SNIP1: variants seen among roughly 807,000 people sequenced by gnomAD.
SNIP1 encodes Smad nuclear interacting protein 1.
Under a neutral mutation model 37.4 loss-of-function variants are expected in SNIP1, and 23 were observed. The ratio of observed to expected loss-of-function variants is 0.61; its 90% CI spans 0.44 to 0.87. The LOEUF is 0.87. Ranked by LOEUF, SNIP1 falls within the 40% of genes least tolerant of loss-of-function variation. The probability of loss-of-function intolerance (pLI) is 0.00; values close to 1 mark genes in which losing one functional copy is unlikely to be tolerated. For missense variants in SNIP1, 459 were observed against 540.4 expected, an observed-to-expected ratio of 0.85 and a Z score of 1.49; for synonymous variants, 174 against 200.0, an observed-to-expected ratio of 0.87 and a Z score of 1.10.
At chr1:37,543,912 G>C (rs189144053) in intron 2 of SNIP1, among the ~76,000 whole-genome samples, 25 of 152,028 alleles carry the variant, frequency 1.6e-4, no homozygotes, top group Admixed American at 9.2e-4. Context: ...AGGGCAAGGG[G>C]GGGGGCAGGT....
intron 2 of SNIP1, among the ~76,000 whole-genome samples, chr1:37,547,230 AAGAG>A (rs112812499): frequency 4.1e-4 from 62 of 152,260 alleles, no homozygotes; most frequent in African/African-American, 1.4e-3. Context: ...CTTGGAAGAG[AAGAG>A]ATAGAGAGAT....
rs984572160 is a variant in SNIP1, at chr1:37,537,049, C to G, written c.*699G>C. 3.3e-5 allele frequency: 5 copies of G among 152,276 alleles called. No homozygotes were observed. Among genetic ancestry groups the G allele is most frequent in the African/African-American group, 1.2e-4 (5 of 41,452 alleles). The allele number at this position is 152,276 out of a possible 1,614,324, so 9.4% of individuals were successfully genotyped here. ...CTTTCACAAAGAACAGATCCACAGCCAATTTCAGTCACTTGTGATGCTGAA... is the reference window on the plus strand; with the variant it reads ...CTTTCACAAAGAACAGATCCACAGCGAATTTCAGTCACTTGTGATGCTGAA... On this transcript the variant is annotated 3_prime_UTR_variant, in exon 4 of 4. Transcript: ENST00000296215.
intron 2 of SNIP1, among the ~76,000 whole-genome samples, chr1:37,542,026 C>CT (rs1299434602): frequency 1.3e-5 from 2 of 151,940 alleles, no homozygotes; most frequent in Non-Finnish European, 2.9e-5. Context: ...GTTTTAATTT[C>CT]TTTAAGTTGA....
Position 37,540,841 on chromosome 1 carries a change from G to A in SNIP1, c.328-86C>T. The stretch of plus-strand genomic sequence containing the variant: ...CTTGTTCTTTTTGAACGAAGTGCAT[G>A]CAAAAAGTCTTGTAATTTGGACTTT... On this transcript the variant is annotated intron_variant, in intron 2 of 3. Coordinates refer to ENST00000296215, the MANE Select transcript of SNIP1 (RefSeq NM_024700.4). The surrounding 1 kb of genome is among the most constrained non-coding windows in gnomAD (Gnocchi z 5.6). The A allele has an allele frequency of 7.6e-7, 1 of 1,313,206 alleles. No individual in the cohort carries two copies. Among genetic ancestry groups the A allele is most frequent in the Non-Finnish European group, 1.0e-6 (1 of 966,686 alleles). 81.3% of individuals were successfully genotyped at this position (1,313,206 alleles called of 1,614,324 possible). A position where few individuals can be genotyped will look rare whatever the true frequency, so the allele number is the denominator to read the frequency against.
rs190980083 is a variant in SNIP1 at position 37,540,543 on chromosome 1, C to T, written c.540G>A (p.Glu180=). Residue 180 remains glutamate, a synonymous_variant, in exon 3 of 4, where the codon GAG becomes GAA. Coordinates refer to ENST00000296215, the MANE Select transcript of SNIP1 (RefSeq NM_024700.4). This position sits in a 1 kb window ranked among gnomAD's most constrained non-coding sequence, Gnocchi z 5.6. ...QNLQAQEEER[E]FYNARRREHR... ...GCTCCCGTCGCCTGGCATTATAAAA[C>T]TCCCGCTCTTCTTCCTGAGCCTGCA... 6.2e-7 allele frequency: 1 copy of T among 1,614,132 alleles called. No homozygotes were observed. Among genetic ancestry groups the T allele is most frequent in the Admixed American group, 1.7e-5 (1 of 60,006 alleles).
rs1643080638 is a variant in SNIP1 at position 37,535,521 on chromosome 1, T to G, written c.*2227A>C. ...AATTAGGACTTCTTACTGAAAAATGTAGGCAAAGTGGTCATCTATCACAGT... is the reference window on the plus strand; with the variant it reads ...AATTAGGACTTCTTACTGAAAAATGGAGGCAAAGTGGTCATCTATCACAGT... On this transcript the variant is annotated 3_prime_UTR_variant, in exon 4 of 4. Coordinates refer to ENST00000296215, the MANE Select transcript of SNIP1 (RefSeq NM_024700.4). 1 of 152,056 alleles carries G rather than the reference T, an allele frequency of 6.6e-6. No individual in the cohort carries two copies. The highest frequency in any genetic ancestry group is 2.4e-5 in the African/African-American group (1 of 41,394). The allele number at this position is 152,056 out of a possible 1,614,324, so 9.4% of individuals were successfully genotyped here. A position where few individuals can be genotyped will look rare whatever the true frequency, so the allele number is the denominator to read the frequency against.
rs368800570 is a variant in SNIP1 at position 37,539,313 on chromosome 1, T to A, written c.926+844A>T. On this transcript the variant is annotated intron_variant, in intron 3 of 3. Coordinates refer to ENST00000296215, the MANE Select transcript of SNIP1 (RefSeq NM_024700.4). ...GGACCACTGTACTATAGTGATCATT[T>A]GTTAGGCAAGTCACTTGGTTTTGCT... is the stretch of plus-strand genomic sequence containing the variant. Among the ~76,000 whole-genome samples, 25 of 152,316 alleles carry A rather than the reference T, an allele frequency of 1.6e-4. No homozygotes were observed. The East Asian group carries it at 4.2e-3, about 26-fold the overall frequency.
rs1341391342 is a variant in SNIP1 at position 37,537,752 on chromosome 1, C to G, written c.1187G>C (p.Ser396Thr). 5 of 1,611,680 alleles carry G rather than the reference C, an allele frequency of 3.1e-6. No homozygotes were observed. The highest frequency in any genetic ancestry group is 4.2e-6 in the Non-Finnish European group (5 of 1,178,910). Residue 396 changes from serine to threonine, a missense_variant, in exon 4 of 4, where the codon AGC becomes ACC. Transcript: ENST00000296215. ...DEEEEEEVSD[S>T] ...ATAGTTTGGGTTCTTAGTTTGCTAGCTGTCAGACACTTCTTCCTCCTCCTC... is the reference window on the plus strand; with the variant it reads ...ATAGTTTGGGTTCTTAGTTTGCTAGGTGTCAGACACTTCTTCCTCCTCCTC...
chr1:37,545,239 C>G (rs1396157249), intron 2 of SNIP1: 2 of 659,440 alleles, frequency 3.0e-6, no homozygotes, highest in East Asian at 6.5e-5. Context: ...GCACCCGAAT[C>G]TGGCTTGGCA....
At chr1:37,539,258 G>A (rs1643138518) in intron 3 of SNIP1, among the ~76,000 whole-genome samples, 1 of 152,210 alleles carries the variant, frequency 6.6e-6, no homozygotes. Flanking sequence ...TGTCTTCCAT[G>A]AAACTGGTCC....
chr1:37,547,341 G>A (rs1439324133), intron 2 of SNIP1, among the ~76,000 whole-genome samples: 1 of 152,134 alleles, frequency 6.6e-6, no homozygotes, highest in Non-Finnish European at 1.5e-5. Flanking sequence ...AGGAGGTGGT[G>A]CAATTTTGGG....
In SNIP1 at chr1:37,540,875, GAAC is replaced by G. The variant is rs968727399; in HGVS notation, c.328-123_328-121del. 23 of 904,864 alleles carry G rather than the reference GAAC, an allele frequency of 2.5e-5. No homozygotes were observed. The highest frequency in any genetic ancestry group is 1.0e-4 in the African/African-American group (6 of 60,100). The allele number at this position is 904,864 out of a possible 1,614,324, so 56.1% of individuals were successfully genotyped here. A position where few individuals can be genotyped will look rare whatever the true frequency, so the allele number is the denominator to read the frequency against. The stretch of plus-strand genomic sequence containing the variant: ...CTTGTAATTTGGACTTTGGCATTTA[GAAC>G]AACATTTCCCACAGAAATAAGATTA... On this transcript the variant is annotated intron_variant, in intron 2 of 3. Transcript: ENST00000296215. The surrounding 1 kb of genome is among the most constrained non-coding windows in gnomAD (Gnocchi z 5.6).
In SNIP1 at chr1:37,534,570, GTTGT is replaced by G. The variant is rs1643062445; in HGVS notation, c.*3174_*3177del. On this transcript the variant is annotated 3_prime_UTR_variant, in exon 4 of 4. Coordinates refer to ENST00000296215, the MANE Select transcript of SNIP1 (RefSeq NM_024700.4). ...TTTCACAAGCAGGTATTGCTGGCAC[GTTGT>G]TTGTGTCACGTTTAGATTCCGATTA... 6.6e-6 allele frequency: 1 copy of G among 152,102 alleles called. No homozygotes were observed. The highest frequency in any genetic ancestry group is 2.4e-5 in the African/African-American group (1 of 41,402). 9.4% of individuals were successfully genotyped at this position (152,102 alleles called of 1,614,324 possible).
At chr1:37,544,623 G>A (rs190836634) in intron 2 of SNIP1, 351 of 458,526 alleles carry the variant, frequency 7.7e-4, no homozygotes, top group African/African-American at 6.3e-3. Flanking sequence ...GACGGAACCA[G>A]GCACTCGTAC....
chr1:37,551,002 G>A (rs1350157979), intron 2 of SNIP1, among the ~76,000 whole-genome samples: 1 of 150,828 alleles, frequency 6.6e-6, no homozygotes, highest in Non-Finnish European at 1.5e-5. Context: ...GGCTGAGGCA[G>A]GAGAATCACT....
At chr1:37,552,918 C>A (rs946152500) in intron 1 of SNIP1, among the ~76,000 whole-genome samples, 171 bp from the exon 2 acceptor site, 3 of 152,204 alleles carry the variant, frequency 2.0e-5, no homozygotes, top group African/African-American at 7.2e-5. Context: ...ATCTCCCTTG[C>A]ATTCCATACT....
intron 2 of SNIP1, among the ~76,000 whole-genome samples, chr1:37,546,972 C>T (rs892539672): frequency 6.6e-6 from 1 of 152,210 alleles, no homozygotes; most frequent in Admixed American, 6.5e-5. Flanking sequence ...TTCCAGTCTT[C>T]TTTGCTGATG....
At chr1:37,549,364 A>G (rs1162379384) in intron 2 of SNIP1, among the ~76,000 whole-genome samples, 1 of 152,176 alleles carries the variant, frequency 6.6e-6, no homozygotes, top group Non-Finnish European at 1.5e-5. Context: ...GTAAAAAGTC[A>G]ATTATTGCCC....
At chr1:37,538,381 C>T (rs923460218) in intron 3 of SNIP1, among the ~76,000 whole-genome samples, 18 of 151,612 alleles carry the variant, frequency 1.2e-4, no homozygotes, top group Admixed American at 3.3e-4. Flanking sequence ...TGGTGGCGGG[C>T]GCCTGTGGAG....
Sources: allele counts gnomAD v4.1 joint callset (sites outside exome capture counted in the v4.1 genomes callset), GRCh38; gene constraint gnomAD v4.1.1; non-coding constraint Gnocchi (gnomAD v3.1); transcripts MANE v1.5; gene names NCBI Gene and HGNC (gene_info 2026-07-23, HGNC 2026-07-21).